Variants in GOLGA4 observed in about 807,000 individuals in gnomAD.
GOLGA4 encodes golgin A4, also known as golgin subfamily A member 4.
GOLGA4 carries 169 observed loss-of-function variants against 265.9 expected under a neutral mutation model. The ratio of observed to expected loss-of-function variants is 0.64; its 90% confidence interval spans 0.56 to 0.72. The LOEUF is 0.72. Ranked by LOEUF, GOLGA4 falls within the 30% of genes least tolerant of loss-of-function variation. GOLGA4 has a pLI of 0.00. For synonymous variants in GOLGA4, 923 were observed against 855.8 expected, an observed-to-expected ratio of 1.08 and a Z score of -1.37; for missense variants, 2,482 against 2,483.4, an observed-to-expected ratio of 1.00 and a Z score of 0.01.
chr3:37,356,975 T>C (rs2097092473), intron 22 of GOLGA4, among the ~76,000 whole-genome samples: 1 of 152,158 alleles, frequency 6.6e-6, no homozygotes, highest in African/African-American at 2.4e-5. Context: ...CTTCATTCCA[T>C]ATACACATGT....
At chr3:37,279,414 C>G (rs554719402) in intron 2 of GOLGA4, among the ~76,000 whole-genome samples, 1 of 152,308 alleles carries the variant, frequency 6.6e-6, no homozygotes, top group East Asian at 1.9e-4. Context: ...GTAAGATGAT[C>G]TTTTCCAGGC....
intron 2 of GOLGA4, among the ~76,000 whole-genome samples, chr3:37,262,337 C>A (rs2096771864): frequency 6.6e-6 from 1 of 152,072 alleles, no homozygotes; most frequent in South Asian, 2.1e-4. Context: ...AAAACCCCAT[C>A]TCTACTAATA....
chr3:37,344,288 G>A (rs1399727629), intron 20 of GOLGA4, among the ~76,000 whole-genome samples: 1 of 152,182 alleles, frequency 6.6e-6, no homozygotes, highest in East Asian at 1.9e-4. Flanking sequence ...TTTTAGTAGA[G>A]ATGGGGTTTC....
intron 10 of GOLGA4, among the ~76,000 whole-genome samples, chr3:37,312,914 TATAAA>T (rs1219770642): frequency 1.3e-5 from 2 of 152,296 alleles, no homozygotes; most frequent in African/African-American, 4.8e-5. Flanking sequence ...ACTTTGGACA[TATAAA>T]ATAAATTGGA....
intron 21 of GOLGA4, among the ~76,000 whole-genome samples, chr3:37,353,705 T>G (rs2097081962): frequency 6.6e-6 from 1 of 152,028 alleles, no homozygotes; most frequent in Non-Finnish European, 1.5e-5. Context: ...GACTAATTTT[T>G]AAGATTTTTT....
intron 21 of GOLGA4, 123 bp from the exon 22 acceptor site, chr3:37,354,978 A>G: frequency 1.6e-6 from 1 of 633,022 alleles, no homozygotes; most frequent in Non-Finnish European, 2.9e-6. Context: ...TTCACATCAT[A>G]CTTCTTTGTT....
intron 20 of GOLGA4, among the ~76,000 whole-genome samples, chr3:37,342,133 G>A (rs2097037508): frequency 6.6e-6 from 1 of 152,102 alleles, no homozygotes; most frequent in South Asian, 2.1e-4. Flanking sequence ...ACTTGAGGCC[G>A]GGAGTTTGAG....
chr3:37,345,112 A>G (rs1296087731), intron 20 of GOLGA4, among the ~76,000 whole-genome samples: 1 of 152,120 alleles, frequency 6.6e-6, no homozygotes, highest in Non-Finnish European at 1.5e-5. Context: ...TGGGAGGCTG[A>G]GGTGGGAGGA....
In GOLGA4 at chr3:37,325,414, C is replaced by T; in HGVS notation, c.3528C>T (p.Ser1176=). Residue 1176 remains serine, a synonymous_variant, in exon 14 of 24, where the codon AGC becomes AGT. Transcript: ENST00000361924. Reference sequence around the variant, plus strand: ...AGCGGAAGGTTTCTGAGTTGACTAGCAAGTTGAAAACCACAGATGAAGAAT... The same window carrying T: ...AGCGGAAGGTTTCTGAGTTGACTAGTAAGTTGAAAACCACAGATGAAGAAT... ...EDKRKVSELT[S]KLKTTDEEFQ... is the part of the protein sequence containing the mutation. 6.2e-7 allele frequency: 1 copy of T among 1,610,904 alleles called. No individual in the cohort carries two copies. Among genetic ancestry groups the T allele is most frequent in the Non-Finnish European group, 8.5e-7 (1 of 1,179,018 alleles).
At chr3:37,273,747 A>C in intron 2 of GOLGA4, 6 of 567,290 alleles carry the variant, frequency 1.1e-5, no homozygotes, top group Non-Finnish European at 1.9e-5. Flanking sequence ...AGGTTTGCTC[A>C]TGGTTTCTTG....
Position 37,315,507 on chromosome 3 carries a change from T to C in GOLGA4, c.1322T>C (p.Ile441Thr). The C allele has an allele frequency of 6.2e-7, 1 of 1,613,770 alleles. No homozygotes were observed. The highest frequency in any genetic ancestry group is 8.5e-7 in the Non-Finnish European group (1 of 1,179,820). Residue 441 changes from isoleucine (I) to threonine (T), a missense_variant, in exon 11 of 24, where the codon ATA (isoleucine) becomes ACA (threonine). By Grantham distance (89) the Ile-to-Thr change is moderately conservative (BLOSUM62 -1). Transcript: ENST00000361924. ...CTGAAGGCAGAAATGGATGAACAAA[T>C]AAAAACTATCGAAAAAACAAGTGAG... ...RKLKAEMDEQ[I>T]KTIEKTSEEE...
intron 2 of GOLGA4, among the ~76,000 whole-genome samples, chr3:37,260,429 C>T (rs968337621): frequency 2.6e-5 from 4 of 151,796 alleles, no homozygotes; most frequent in Non-Finnish European, 5.9e-5. Flanking sequence ...CGAGACCAGC[C>T]TGGCCAACAT....
Position 37,267,715 on chromosome 3 carries a change from A to G in GOLGA4, c.163-14243A>G, listed in dbSNP as rs183161206. On this transcript the variant is annotated intron_variant, in intron 2 of 23. Coordinates refer to ENST00000361924, the MANE Select transcript of GOLGA4 (RefSeq NM_002078.5). Reference sequence around the variant, plus strand: ...TCTATTTATTAATTACAAAAACAAAAGAAAAGTTTACAATGGAGAAATGTG... The same window carrying G: ...TCTATTTATTAATTACAAAAACAAAGGAAAAGTTTACAATGGAGAAATGTG... Among the ~76,000 whole-genome samples, 430 of 152,340 alleles carry G rather than the reference A, an allele frequency of 2.8e-3. 2 individuals are homozygous for G. The highest frequency in any genetic ancestry group is 3.7e-3 in the Admixed American group (56 of 15,300).
At chr3:37,348,546 A>G (rs1325869354) in intron 21 of GOLGA4, among the ~76,000 whole-genome samples, 1 of 152,066 alleles carries the variant, frequency 6.6e-6, no homozygotes, top group Non-Finnish European at 1.5e-5. Context: ...CACCTCAAAT[A>G]CAGGGTATAT....
intron 18 of GOLGA4, 108 bp downstream of exon 18, chr3:37,337,271 C>A: frequency 1.5e-6 from 1 of 658,964 alleles, no homozygotes; most frequent in Non-Finnish European, 2.6e-6. Context: ...GCAATCTTGG[C>A]TCACTGCAAC....
Position 37,324,500 on chromosome 3 carries a change from A to T in GOLGA4, c.2614A>T (p.Lys872Ter). Residue 872 changes from lysine (K) to a stop codon, truncating the protein, a stop_gained, in exon 14 of 24, where the codon AAA (lysine) becomes TAA (stop). Coordinates refer to ENST00000361924, the MANE Select transcript of GOLGA4 (RefSeq NM_002078.5). LOFTEE classifies it high-confidence loss of function. Reference sequence around the variant, plus strand: ...GCAGGACTTAATGCAGCAACTTGAAAAACAAAATAGTGAAATGGAGCAAAA... The same window carrying T: ...GCAGGACTTAATGCAGCAACTTGAATAACAAAATAGTGAAATGGAGCAAAA... Reference protein sequence around the residue: ...QVQDLMQQLEKQNSEMEQKVK... With the variant: ...QVQDLMQQLE The T allele has an allele frequency of 6.2e-7, 1 of 1,614,066 alleles. No homozygotes were observed. The highest frequency in any genetic ancestry group is 8.5e-7 in the Non-Finnish European group (1 of 1,179,960).
chr3:37,318,827 C>A (rs1004526536), intron 11 of GOLGA4, among the ~76,000 whole-genome samples: 25 of 151,854 alleles, frequency 1.6e-4, no homozygotes, highest in African/African-American at 5.8e-4. Context: ...GAAATGGAGT[C>A]TATTGTAGCA....
At chr3:37,351,152 A>C (rs1413079394) in intron 21 of GOLGA4, among the ~76,000 whole-genome samples, 1 of 152,152 alleles carries the variant, frequency 6.6e-6, no homozygotes, top group African/African-American at 2.4e-5. Flanking sequence ...AATATTCTAA[A>C]TACTTTGATG....
chr3:37,273,717 A>G, intron 2 of GOLGA4: 1 of 680,648 alleles, frequency 1.5e-6, no homozygotes, highest in Middle Eastern at 2.6e-4. Context: ...AATATTCAGT[A>G]CAGTATATAT....
Sources: allele counts gnomAD v4.1 joint callset (sites outside exome capture counted in the v4.1 genomes callset), GRCh38; gene constraint gnomAD v4.1.1; transcripts MANE v1.5; gene names NCBI Gene and HGNC (gene_info 2026-07-23, HGNC 2026-07-21).